The following CD59 variants were observed in gnomAD, a reference collection of about 807,000 sequenced individuals.
The protein encoded by CD59 is CD59 molecule (CD59 blood group).
A neutral mutation model predicts 7.0 loss-of-function variants in CD59; 3 were observed. That is an observed-to-expected ratio of 0.43 (90% CI 0.19 to 1.10). The LOEUF (loss-of-function observed/expected upper bound fraction) is 1.10, where lower values mean the gene tolerates loss of function less well. Among genes scored for constraint, CD59 ranks in the 50% least tolerant of loss-of-function variants. CD59 has a pLI of 0.29. For missense variants in CD59, 143 were observed against 151.0 expected, an observed-to-expected ratio of 0.95 and a Z score of 0.28; for synonymous variants, 60 against 62.0, an observed-to-expected ratio of 0.97 and a Z score of 0.15.
chr11:33,733,305 G>C (rs942156806), intron 1 of CD59, among the ~76,000 whole-genome samples: 6 of 152,188 alleles, frequency 3.9e-5, no homozygotes, highest in Non-Finnish European at 7.3e-5. Context: ...AATTTGTGGT[G>C]GTTTCAGCAG....
chr11:33,722,992 G>T (rs556969641), intron 1 of CD59: 1 of 1,020,624 alleles, frequency 9.8e-7, no homozygotes, highest in Non-Finnish European at 1.2e-6. Context: ...ATGAAGAGAG[G>T]TATTGAGCAA....
chr11:33,726,822 T>A (rs1313937898), intron 1 of CD59, among the ~76,000 whole-genome samples: 1 of 151,872 alleles, frequency 6.6e-6, no homozygotes, highest in African/African-American at 2.4e-5. Context: ...ATAGACGCAA[T>A]AAAAAATGAT....
At chr11:33,734,596 A>G (rs572344473) in intron 1 of CD59, among the ~76,000 whole-genome samples, 1 of 152,330 alleles carries the variant, frequency 6.6e-6, no homozygotes, top group African/African-American at 2.4e-5. Flanking sequence ...AGCTTCCCCT[A>G]CAAGGGCCTT....
At chr11:33,720,617 T>C (rs1372454853) in intron 2 of CD59, among the ~76,000 whole-genome samples, 2 of 152,178 alleles carry the variant, frequency 1.3e-5, no homozygotes, top group Non-Finnish European at 1.5e-5. Context: ...TAATCCCAGC[T>C]ACTCAGAAGA....
intron 3 of CD59, among the ~76,000 whole-genome samples, chr11:33,711,673 C>T (rs1853566886): frequency 6.6e-6 from 1 of 151,234 alleles, no homozygotes; most frequent in South Asian, 2.1e-4. Context: ...CAAGACCTTG[C>T]CTCTTTAAAA....
rs921803666 is a variant in CD59 at position 33,736,413 on chromosome 11, G to C, written c.-50C>G. 2.0e-5 allele frequency: 3 copies of C among 152,454 alleles called. No homozygotes were observed. The highest frequency in any genetic ancestry group is 2.9e-5 in the Non-Finnish European group (2 of 68,318). 9.4% of individuals were successfully genotyped at this position (152,454 alleles called of 1,614,324 possible). Reference sequence around the variant, plus strand: ...GCGCCCAAGATCCTCTTCCAGCCTCGAGCCGCTTCTGCGCTCAGCCCCCGC... The same window carrying C: ...GCGCCCAAGATCCTCTTCCAGCCTCCAGCCGCTTCTGCGCTCAGCCCCCGC... On this transcript the variant is annotated 5_prime_UTR_variant, in exon 1 of 4. Coordinates refer to ENST00000642928, the MANE Select transcript of CD59 (RefSeq NM_000611.6). The surrounding 1 kb of genome is among the most constrained non-coding windows in gnomAD (Gnocchi z 4.4).
rs2133522733 is a variant in CD59 at position 33,710,314 on chromosome 11, A to G, written c.199T>C (p.Phe67Leu). The change falls in exon 4 of 4, where the codon TTT becomes CTT. Residue 67 changes from phenylalanine (F) to leucine (L), a missense_variant. Coordinates refer to ENST00000642928, the MANE Select transcript of CD59 (RefSeq NM_000611.6). Reference sequence around the variant, plus strand: ...ACGTCGTTGAAATTGCAATGCTCAAACTTCCAACACTTGTTATACACTTGT... The same window carrying G: ...ACGTCGTTGAAATTGCAATGCTCAAGCTTCCAACACTTGTTATACACTTGT... ...GLQVYNKCWK[F>L]EHCNFNDVTT... 1.2e-6 allele frequency: 2 copies of G among 1,614,132 alleles called. No homozygotes were observed. The highest frequency in any genetic ancestry group is 1.7e-6 in the Non-Finnish European group (2 of 1,179,992).
chr11:33,733,748 G>A (rs1423976940), intron 1 of CD59: 1 of 152,238 alleles, frequency 6.6e-6, no homozygotes. Flanking sequence ...GGAGACGGGA[G>A]ACTTCTTATA....
chr11:33,710,374 G>A, intron 3 of CD59, 31 bp from the exon 4 acceptor site: 1 of 1,546,454 alleles, frequency 6.5e-7, no homozygotes, highest in Non-Finnish European at 8.9e-7. Context: ...GGGTAAGAAA[G>A]TAAGTGGGAA....
intron 1 of CD59, among the ~76,000 whole-genome samples, chr11:33,732,056 T>C (rs1207681201): frequency 6.6e-6 from 1 of 152,198 alleles, no homozygotes. Context: ...CTCATATTTC[T>C]GTCTTGTCTG....
intron 1 of CD59, among the ~76,000 whole-genome samples, chr11:33,726,597 C>T (rs1291620290): frequency 6.6e-6 from 1 of 152,104 alleles, no homozygotes; most frequent in Non-Finnish European, 1.5e-5. Flanking sequence ...AATTGACACC[C>T]TAACATCACA....
intron 3 of CD59, among the ~76,000 whole-genome samples, 175 bp from the exon 4 acceptor site, chr11:33,710,518 AAT>A (rs1271819099): frequency 6.6e-6 from 1 of 152,146 alleles, no homozygotes; most frequent in Non-Finnish European, 1.5e-5. Context: ...TACACCTCTA[AAT>A]AGAGCTTTTA....
intron 1 of CD59, among the ~76,000 whole-genome samples, chr11:33,726,737 G>C (rs969397330): frequency 6.6e-6 from 1 of 152,136 alleles, no homozygotes; most frequent in Non-Finnish European, 1.5e-5. Context: ...ATGAATCCAG[G>C]AGCTGGTTTT....
Position 33,707,184 on chromosome 11 carries a change from T to C in CD59, c.*2942A>G, listed in dbSNP as rs1853343689. The C allele has an allele frequency of 6.6e-6, 1 of 152,276 alleles. No homozygotes were observed. The highest frequency in any genetic ancestry group is 6.5e-5 in the Admixed American group (1 of 15,294). 9.4% of individuals were successfully genotyped at this position (152,276 alleles called of 1,614,324 possible). On this transcript the variant is annotated 3_prime_UTR_variant, in exon 4 of 4. Coordinates refer to ENST00000642928, the MANE Select transcript of CD59 (RefSeq NM_000611.6). ...TCAAGAATCCCTCAGGGGGATCTGT[T>C]AGCATTAGTTCAGATCTGTTGGCAG...
intron 1 of CD59, among the ~76,000 whole-genome samples, chr11:33,724,959 T>C (rs1181102237): frequency 6.6e-6 from 1 of 151,976 alleles, no homozygotes; most frequent in African/African-American, 2.4e-5. Flanking sequence ...AACGTTCATA[T>C]GGAGTATGTG....
chr11:33,715,145 C>T (rs992887357), intron 3 of CD59, among the ~76,000 whole-genome samples: 2 of 151,846 alleles, frequency 1.3e-5, no homozygotes, highest in Admixed American at 6.6e-5. Flanking sequence ...ATAGTAAATA[C>T]ACAAACCAGT....
intron 3 of CD59, among the ~76,000 whole-genome samples, chr11:33,714,919 ACCTG>A (rs1741285739): frequency 6.7e-6 from 1 of 148,374 alleles, no homozygotes; most frequent in Admixed American, 6.7e-5. Flanking sequence ...CTCCTGAAGG[ACCTG>A]CCTGCTGAGG....
chr11:33,722,105 G>C (rs548582268), intron 2 of CD59, among the ~76,000 whole-genome samples: 13 of 152,220 alleles, frequency 8.5e-5, no homozygotes, highest in South Asian at 4.1e-4. Context: ...GCAGCTTATG[G>C]TGACAGGAGT....
chr11:33,711,025 C>A (rs1853527603), intron 3 of CD59, among the ~76,000 whole-genome samples: 1 of 120,934 alleles, frequency 8.3e-6, no homozygotes, highest in African/African-American at 3.2e-5. Context: ...ATGGAAGGAG[C>A]TTGATTTAAA....
Sources: allele counts gnomAD v4.1 joint callset (sites outside exome capture counted in the v4.1 genomes callset), GRCh38; gene constraint gnomAD v4.1.1; non-coding constraint Gnocchi (gnomAD v3.1); transcripts MANE v1.5; gene names NCBI Gene and HGNC (gene_info 2026-07-23, HGNC 2026-07-21).